The following C11orf24 variants were observed in gnomAD, a reference collection of about 807,000 sequenced individuals.
C11orf24 encodes the protein chromosome 11 open reading frame 24.
Under a neutral mutation model 7.3 loss-of-function variants are expected in C11orf24, and 5 were observed. The ratio of observed to expected loss-of-function variants is 0.69; its 90% confidence interval spans 0.36 to 1.45. The LOEUF (loss-of-function observed/expected upper bound fraction) is 1.45, where lower values mean the gene tolerates loss of function less well. Among genes scored for constraint, C11orf24 ranks in the 40% most tolerant of loss-of-function variants. The probability of loss-of-function intolerance (pLI) is 0.03; values close to 1 mark genes in which losing one functional copy is unlikely to be tolerated. For synonymous variants in C11orf24, 233 were observed against 235.7 expected, an observed-to-expected ratio of 0.99 and a Z score of 0.11; for missense variants, 566 against 590.5, an observed-to-expected ratio of 0.96 and a Z score of 0.43.
rs1395998177 is a variant in C11orf24 at position 68,261,491 on chromosome 11, T to G, written c.*154A>C. On this transcript the variant is annotated 3_prime_UTR_variant, in exon 4 of 4. Transcript: ENST00000304271. Reference sequence around the variant, plus strand: ...GAAAAAAGCAGCAACTCTTTAGTGATCATGGAATTAATCTGACAGCAATTA... The same window carrying G: ...GAAAAAAGCAGCAACTCTTTAGTGAGCATGGAATTAATCTGACAGCAATTA... The G allele has an allele frequency of 1.6e-6, 1 of 639,394 alleles. No homozygotes were observed. Among genetic ancestry groups the G allele is most frequent in the African/African-American group, 1.8e-5 (1 of 54,672 alleles). 39.6% of individuals were successfully genotyped at this position (639,394 alleles called of 1,614,324 possible).
In C11orf24 at chr11:68,263,700, T is replaced by C. The variant is rs1057159477; in HGVS notation, c.68A>G (p.Asn23Ser). The C allele has an allele frequency of 1.2e-6, 2 of 1,613,460 alleles. No homozygotes were observed. The highest frequency in any genetic ancestry group is 1.7e-6 in the Non-Finnish European group (2 of 1,179,882). Residue 23 changes from asparagine (N) to serine (S), a missense_variant, in exon 3 of 4, where the codon AAC becomes AGC. By Grantham distance (46) the Asn-to-Ser change is conservative. Coordinates refer to ENST00000304271, the MANE Select transcript of C11orf24 (RefSeq NM_022338.4). The part of the protein sequence containing the change: ...LSLSESHAAS[N>S]DPRNFVPNKM... ...ACAGCTTTCTCACTTACGTGGATCG[T>C]TGGATGCCGCATGGCTTTCAGATAA...
At chr11:68,270,131 CA>C (rs1255319734) in intron 1 of C11orf24, among the ~76,000 whole-genome samples, 11 of 152,224 alleles carry the variant, frequency 7.2e-5, no homozygotes, top group South Asian at 2.1e-4. Flanking sequence ...AAAGAGACCC[CA>C]GGGGCAGGAG....
chr11:68,261,986 C>T lies in C11orf24; in HGVS notation c.1009G>A (p.Gly337Arg). The T allele has an allele frequency of 6.2e-7, 1 of 1,614,032 alleles. No individual in the cohort carries two copies. The highest frequency in any genetic ancestry group is 1.1e-5 in the South Asian group (1 of 91,090). The stretch of plus-strand genomic sequence containing the variant: ...TCCGGTGCCTGGGATGTGCCTGGCC[C>T]AGCGGCCCTCTGGGTATATGGCATG... ...SPMPYTQRAA[G>R]PGTSQAPEQV... The change falls in exon 4 of 4, where the codon GGG becomes AGG. Residue 337 changes from glycine (G) to arginine (R), a missense_variant. Physicochemically the swap from Gly to Arg is moderately radical, Grantham distance 125. Coordinates refer to ENST00000304271, the MANE Select transcript of C11orf24 (RefSeq NM_022338.4).
chr11:68,265,587 C>A (rs536209425), intron 2 of C11orf24, among the ~76,000 whole-genome samples: 3 of 152,166 alleles, frequency 2.0e-5, no homozygotes, highest in Admixed American at 6.5e-5. Context: ...ACAGTTTTGA[C>A]CTCCCAGGCT....
chr11:68,262,926 TCA>T lies in C11orf24; in HGVS notation c.77-10_77-9del, dbSNP rs369121462. The T allele has an allele frequency of 6.1e-5, 99 of 1,610,184 alleles. 1 individual carries two copies. The East Asian group carries it at 8.9e-4, about 15-fold the overall frequency. On this transcript the variant is annotated splice_polypyrimidine_tract_variant and intron_variant, in intron 3 of 3. Coordinates refer to ENST00000304271, the MANE Select transcript of C11orf24 (RefSeq NM_022338.4). ...TGTTAGGGACAAAGTTGCCTTAAAG[TCA>T]GAAAAAGGAGAAAAAGAGAGACAAT...
intron 2 of C11orf24, among the ~76,000 whole-genome samples, chr11:68,265,170 C>T (rs2098564426): frequency 6.6e-6 from 1 of 152,148 alleles, no homozygotes; most frequent in Non-Finnish European, 1.5e-5. Context: ...CAAGGAAGAG[C>T]GTGGTGAGGC....
intron 1 of C11orf24, among the ~76,000 whole-genome samples, chr11:68,268,728 T>C (rs1441749600): frequency 6.6e-6 from 1 of 152,188 alleles, no homozygotes; most frequent in Non-Finnish European, 1.5e-5. Flanking sequence ...CGACTTCCAA[T>C]GCAGCAACTT....
chr11:68,271,355 G>A (rs1284908411), intron 1 of C11orf24, among the ~76,000 whole-genome samples: 1 of 152,168 alleles, frequency 6.6e-6, no homozygotes, highest in African/African-American at 2.4e-5. Context: ...CAGATGGGCA[G>A]GGGAGGGAAT....
chr11:68,261,753 G>A lies in C11orf24; in HGVS notation c.1242C>T (p.Ile414=). The A allele has an allele frequency of 6.2e-7, 1 of 1,614,218 alleles. No individual in the cohort carries two copies. The highest frequency in any genetic ancestry group is 8.5e-7 in the Non-Finnish European group (1 of 1,180,050). Residue 414 remains isoleucine, a synonymous_variant, in exon 4 of 4, where the codon ATC becomes ATT. Coordinates refer to ENST00000304271, the MANE Select transcript of C11orf24 (RefSeq NM_022338.4). ...VVLLLGVTLF[I]TVLVLFALQA... is the part of the protein sequence containing the mutation. ...GCAGGGCAAACAAAACCAAGACTGT[G>A]ATGAAAAGGGTCACCCCGAGTAACA...
intron 2 of C11orf24, 52 bp from the exon 3 acceptor site, chr11:68,263,918 G>C: frequency 1.6e-6 from 1 of 643,496 alleles, no homozygotes; most frequent in Non-Finnish European, 2.7e-6. Context: ...GCAACACACA[G>C]CCTTGCCTGA....
Position 68,262,612 on chromosome 11 carries a change from ACAGTCATACTGGAGGCCG to A in C11orf24, c.365_382del (p.Ala122_Thr127del), listed in dbSNP as rs2098562484. The A allele has an allele frequency of 6.2e-7, 1 of 1,613,520 alleles. No individual in the cohort carries two copies. Among genetic ancestry groups the A allele is most frequent in the South Asian group, 1.1e-5 (1 of 91,056 alleles). ...TGCAGTCGTGGGAGCACTGGAGGCCACAGTCATACTGGAGGCCGCAGTCGTAATGGAGGCCGCAGTCGT... is the reference window on the plus strand; with the variant it reads ...TGCAGTCGTGGGAGCACTGGAGGCCACAGTCGTAATGGAGGCCGCAGTCGT... On this transcript the variant is annotated inframe_deletion, in exon 4 of 4. Coordinates refer to ENST00000304271, the MANE Select transcript of C11orf24 (RefSeq NM_022338.4).
chr11:68,264,105 C>T (rs1372761574), intron 2 of C11orf24, among the ~76,000 whole-genome samples: 2 of 152,138 alleles, frequency 1.3e-5, no homozygotes, highest in Non-Finnish European at 2.9e-5. Context: ...TGCAAAAGTT[C>T]CCATTCTCCC....
Position 68,261,789 on chromosome 11 carries a change from A to G in C11orf24, c.1206T>C (p.Leu402=), listed in dbSNP as rs144400260. The change falls in exon 4 of 4, where the codon CTT becomes CTC. Residue 402 remains leucine, a synonymous_variant. Transcript: ENST00000304271. Reference sequence around the variant, plus strand: ...TCACCCCGAGTAACAGCACCACCAGAAGGAGAGTTTTGTCTACCACGGCCT... The same window carrying G: ...TCACCCCGAGTAACAGCACCACCAGGAGGAGAGTTTTGTCTACCACGGCCT... ...LTQAVVDKTL[L]LVVLLLGVTL... 102 of 1,613,742 alleles carry G rather than the reference A, an allele frequency of 6.3e-5. No homozygotes were observed. In the African/African-American group the frequency reaches 1.2e-3, roughly 19 times the overall value.
At chr11:68,263,294 G>A (rs561049232) in intron 3 of C11orf24, 18 of 405,310 alleles carry the variant, frequency 4.4e-5, no homozygotes, top group Non-Finnish European at 7.1e-5. Flanking sequence ...CAGATAAACT[G>A]CACAGGTATT....
chr11:68,261,552 C>T lies in C11orf24; in HGVS notation c.*93G>A. 8.7e-7 allele frequency: 1 copy of T among 1,145,284 alleles called. No individual in the cohort carries two copies. The highest frequency in any genetic ancestry group is 1.5e-5 in the South Asian group (1 of 65,718). 70.9% of individuals were successfully genotyped at this position (1,145,284 alleles called of 1,614,324 possible). ...AGCATCTGGCATATCTCCTCAATTG[C>T]ACCAAAAGAATTTGGAAGCACTTGG... On this transcript the variant is annotated 3_prime_UTR_variant, in exon 4 of 4. Transcript: ENST00000304271.
intron 1 of C11orf24, chr11:68,271,620 C>A: frequency 6.5e-6 from 1 of 152,914 alleles, no homozygotes. Context: ...CAGCCATGCT[C>A]GGCCCCCAGT....
At chr11:68,264,427 CACCCATCCATCCATCCACTT>C (rs2098563535) in intron 2 of C11orf24, among the ~76,000 whole-genome samples, 2 of 150,966 alleles carry the variant, frequency 1.3e-5, no homozygotes, top group African/African-American at 4.9e-5. Flanking sequence ...TCCATCCACT[CACCCATCCATCCATCCACTT>C]ACCCACTTAC....
intron 3 of C11orf24, 160 bp downstream of exon 3, chr11:68,263,532 G>A: frequency 1.6e-6 from 1 of 632,434 alleles, no homozygotes. Flanking sequence ...CATGGCCCTG[G>A]AGAAGGAAGG....
intron 2 of C11orf24, among the ~76,000 whole-genome samples, chr11:68,266,477 T>C (rs558122254): frequency 6.6e-6 from 1 of 152,344 alleles, no homozygotes; most frequent in Non-Finnish European, 1.5e-5. Context: ...AACTTTTCTC[T>C]AGCTTCAAAT....
Sources: gnomAD v4.1 joint callset for allele counts (sites outside exome capture counted in the v4.1 genomes callset) on GRCh38, gnomAD v4.1.1 for gene constraint, MANE v1.5 for transcripts, NCBI Gene and HGNC (gene_info 2026-07-23, HGNC 2026-07-21) for gene names.